Variants in LRRC49 observed in about 807,000 individuals in gnomAD.
LRRC49 encodes leucine-rich repeat-containing protein 49.
Under a neutral mutation model 83.3 loss-of-function variants are expected in LRRC49, and 50 were observed. The ratio of observed to expected loss-of-function variants is 0.60; its 90% CI spans 0.48 to 0.76. The LOEUF (loss-of-function observed/expected upper bound fraction) is 0.76. Ranked by LOEUF, LRRC49 falls within the 30% of genes least tolerant of loss-of-function variation. The probability of loss-of-function intolerance (pLI) is 0.00; values close to 1 mark genes in which losing one functional copy is unlikely to be tolerated. For missense variants in LRRC49, 704 were observed against 809.1 expected (o/e 0.87, Z 1.58); for synonymous variants, 286 against 283.3 (o/e 1.01, Z -0.10).
At chr15:70,912,392 C>G (rs74486406) in intron 6 of LRRC49, among the ~76,000 whole-genome samples, 3,063 of 152,132 alleles carry the variant, frequency 0.02, 35 homozygotes, top group Non-Finnish European at 0.031. Flanking sequence ...GAGTCATAGG[C>G]TATTTAAATG....
chr15:70,854,260 G>A (rs1378848772), intron 1 of LRRC49: 5 of 261,744 alleles, frequency 1.9e-5, no homozygotes, highest in Non-Finnish European at 2.4e-5. Flanking sequence ...CGCCGCCGCC[G>A]CCGCCACCAC....
intron 7 of LRRC49, among the ~76,000 whole-genome samples, chr15:70,922,434 A>G (rs1044897190): frequency 5.3e-5 from 8 of 152,150 alleles, no homozygotes; most frequent in African/African-American, 1.2e-4. Context: ...GGAAAAACAC[A>G]TATCGCATGT....
upstream of LRRC49, among the ~76,000 whole-genome samples, chr15:70,889,299 G>A (rs1228174750): frequency 2.0e-5 from 3 of 152,036 alleles, no homozygotes; most frequent in Non-Finnish European, 2.9e-5. Context: ...AAAATGTAAT[G>A]TTGAACAAAA....
At chr15:70,885,208 A>G (rs895434546) in intron 2 of LRRC49, among the ~76,000 whole-genome samples, 1 of 152,232 alleles carries the variant, frequency 6.6e-6, no homozygotes, top group Non-Finnish European at 1.5e-5. Context: ...TATCTAGAAC[A>G]AGGCAGAAAG....
At chr15:70,869,602 C>A (rs115486247) in intron 1 of LRRC49, among the ~76,000 whole-genome samples, 6 of 152,102 alleles carry the variant, frequency 3.9e-5, no homozygotes, top group Non-Finnish European at 8.8e-5. Flanking sequence ...ACTACAGATC[C>A]GCTGCTTTAT....
At position 71,046,492 on chromosome 15, in the gene LRRC49, G is replaced by A. The variant is rs144228341; in HGVS notation, c.1858-2917G>A. 2.7e-3 allele frequency among the ~76,000 whole-genome samples: 413 copies of A among 152,240 alleles called. 3 individuals carry two copies. Among genetic ancestry groups the A allele is most frequent in the Admixed American group, 0.01 (155 of 15,290 alleles). ...TATTTCATATCCTTGTTGGCCACTT[G>A]TATGTCTTCCTTTGAGAAGTATCTG... is the stretch of plus-strand genomic sequence containing the variant. On this transcript the variant is annotated intron_variant, in intron 15 of 15. Coordinates refer to ENST00000260382, the MANE Select transcript of LRRC49 (RefSeq NM_017691.5).
chr15:71,033,923 T>G (rs2039438443), intron 14 of LRRC49, among the ~76,000 whole-genome samples: 1 of 151,894 alleles, frequency 6.6e-6, no homozygotes, highest in Non-Finnish European at 1.5e-5. Flanking sequence ...AACCCAAAAC[T>G]ATAAAAAGCC....
At chr15:70,963,275 C>CAAAA (rs765094754) in intron 8 of LRRC49, among the ~76,000 whole-genome samples, 9 of 70,424 alleles carry the variant, frequency 1.3e-4, no homozygotes, top group Non-Finnish European at 2.1e-4. Flanking sequence ...GACCTGGTCT[C>CAAAA]AAAAAAAAAA....
chr15:70,891,206 A>G (rs2141092366), upstream of LRRC49, among the ~76,000 whole-genome samples: 1 of 152,352 alleles, frequency 6.6e-6, no homozygotes, highest in Admixed American at 6.5e-5. Context: ...AACCAGATGC[A>G]AAATGAGTGC....
At chr15:70,878,177 T>G (rs2033191789) in intron 2 of LRRC49, among the ~76,000 whole-genome samples, 1 of 152,144 alleles carries the variant, frequency 6.6e-6, no homozygotes, top group Admixed American at 6.5e-5. Context: ...AATAAATAAA[T>G]TCTTTGCATT....
intron 1 of LRRC49, among the ~76,000 whole-genome samples, chr15:70,863,320 C>T (rs1240093539): frequency 6.6e-6 from 1 of 152,192 alleles, no homozygotes; most frequent in Non-Finnish European, 1.5e-5. Context: ...AGTTTGGTGG[C>T]CACTGACCGA....
At chr15:70,993,121 G>A (rs556204549) in intron 11 of LRRC49, among the ~76,000 whole-genome samples, 26 of 152,326 alleles carry the variant, frequency 1.7e-4, no homozygotes, top group African/African-American at 6.0e-4. Flanking sequence ...CTTGCAGTTA[G>A]ATCTCAGACT....
At chr15:70,863,532 A>G (rs943486830) in intron 1 of LRRC49, among the ~76,000 whole-genome samples, 1 of 152,232 alleles carries the variant, frequency 6.6e-6, no homozygotes, top group Non-Finnish European at 1.5e-5. Flanking sequence ...TATCTGGCAT[A>G]TTCAGAGAAC....
At chr15:70,977,762 G>A (rs2037258978) in intron 9 of LRRC49, among the ~76,000 whole-genome samples, 1 of 151,930 alleles carries the variant, frequency 6.6e-6, no homozygotes, top group Admixed American at 6.6e-5. Context: ...TCATATGGCA[G>A]ATCACTTCTG....
upstream of LRRC49, chr15:70,891,968 T>C: frequency 6.2e-7 from 1 of 1,613,492 alleles, no homozygotes; most frequent in Non-Finnish European, 8.5e-7. Flanking sequence ...TTGGTCTCCC[T>C]CCTCTCCCCT....
chr15:70,976,502 T>A (rs2037211728), intron 9 of LRRC49, among the ~76,000 whole-genome samples: 1 of 152,208 alleles, frequency 6.6e-6, no homozygotes, highest in Non-Finnish European at 1.5e-5. Flanking sequence ...TTATTTTGGA[T>A]CAGTCTTTTT....
intron 8 of LRRC49, among the ~76,000 whole-genome samples, chr15:70,946,524 G>GA (rs2036013972): frequency 6.6e-6 from 1 of 152,026 alleles, no homozygotes; most frequent in Non-Finnish European, 1.5e-5. Flanking sequence ...CCATATCTTG[G>GA]TTATTGTGAA....
At chr15:70,979,470 T>G (rs1038516912) in intron 9 of LRRC49, among the ~76,000 whole-genome samples, 1 of 151,970 alleles carries the variant, frequency 6.6e-6, no homozygotes, top group African/African-American at 2.4e-5. Flanking sequence ...TTTTTTGTAG[T>G]TAGAACATAT....
intron 7 of LRRC49, 61 bp downstream of exon 7, chr15:70,919,254 ATGT>A (rs1444781378): frequency 2.0e-5 from 28 of 1,371,026 alleles, no homozygotes; most frequent in South Asian, 1.5e-5. Context: ...ATTGAAACAA[ATGT>A]TGTAATATGG....
Sources: allele counts gnomAD v4.1 joint callset (sites outside exome capture counted in the v4.1 genomes callset), GRCh38; gene constraint gnomAD v4.1.1; transcripts MANE v1.5; gene names NCBI Gene and HGNC (gene_info 2026-07-23, HGNC 2026-07-21).